The following OPCML variants were observed in gnomAD, a reference collection of about 807,000 sequenced individuals.
OPCML encodes opioid binding protein/cell adhesion molecule like.
A neutral mutation model predicts 37.8 loss-of-function variants in OPCML; 13 were observed. The ratio of observed to expected loss-of-function variants is 0.34; its 90% confidence interval spans 0.22 to 0.55. The LOEUF (loss-of-function observed/expected upper bound fraction) is 0.55, where lower values mean the gene tolerates loss of function less well. OPCML is among the 20% of genes least tolerant of loss of function. The probability of loss-of-function intolerance (pLI) is 0.91; values close to 1 mark genes in which losing one functional copy is unlikely to be tolerated. For missense variants in OPCML, 341 were observed against 435.6 expected (o/e 0.78, Z 1.93); for synonymous variants, 176 against 168.8 (o/e 1.04, Z -0.33).
chr11:133,508,806 GA>G (rs1189744017), intron 1 of OPCML, among the ~76,000 whole-genome samples: 1 of 151,312 alleles, frequency 6.6e-6, no homozygotes, highest in African/African-American at 2.4e-5. Flanking sequence ...GGAAAGCGCT[GA>G]AAACGACTCG....
intron 1 of OPCML, among the ~76,000 whole-genome samples, chr11:133,328,285 G>A (rs948714289): frequency 2.0e-5 from 3 of 151,592 alleles, no homozygotes; most frequent in African/African-American, 7.3e-5. Context: ...AGCCTCCCAA[G>A]TAGCTGGGAT....
At chr11:133,049,024 T>C (rs1948077652) in intron 1 of OPCML, among the ~76,000 whole-genome samples, 1 of 152,224 alleles carries the variant, frequency 6.6e-6, no homozygotes, top group Admixed American at 6.5e-5. Context: ...CAAAAATATT[T>C]ACCAAAAACC....
intron 1 of OPCML, among the ~76,000 whole-genome samples, chr11:132,995,671 G>A (rs1946870129): frequency 6.6e-6 from 1 of 152,150 alleles, no homozygotes; most frequent in South Asian, 2.1e-4. Context: ...TAGGGGTCAG[G>A]CAAGTTCTTG....
intron 4 of OPCML, among the ~76,000 whole-genome samples, chr11:132,439,697 C>A: frequency 2.3e-5 from 1 of 42,870 alleles, no homozygotes; most frequent in East Asian, 1.6e-3. Context: ...GACACCTCGC[C>A]ATTTTTTTTT....
At chr11:133,219,808 G>A (rs538854326) in intron 1 of OPCML, among the ~76,000 whole-genome samples, 1 of 152,132 alleles carries the variant, frequency 6.6e-6, no homozygotes, top group Non-Finnish European at 1.5e-5. Context: ...TGGGGAGGGG[G>A]GTGCTACAGA....
At chr11:133,410,905 A>G (rs1183683326) in intron 1 of OPCML, among the ~76,000 whole-genome samples, 1 of 152,188 alleles carries the variant, frequency 6.6e-6, no homozygotes, top group Non-Finnish European at 1.5e-5. Context: ...CTTAGAGACC[A>G]TGGGACCACC....
At chr11:133,023,161 G>T (rs1947485114) in intron 1 of OPCML, among the ~76,000 whole-genome samples, 1 of 152,220 alleles carries the variant, frequency 6.6e-6, no homozygotes, top group South Asian at 2.1e-4. Context: ...ATAAGCAGGT[G>T]CAGAGCCCTT....
intron 1 of OPCML, among the ~76,000 whole-genome samples, chr11:133,138,292 G>T (rs527951162): frequency 4.8e-4 from 73 of 152,252 alleles, no homozygotes; most frequent in African/African-American, 1.7e-3. Flanking sequence ...CTTTCCAGCC[G>T]CCAGAATTGT....
chr11:132,819,229 G>T (rs1195065928), intron 2 of OPCML, among the ~76,000 whole-genome samples: 1 of 151,804 alleles, frequency 6.6e-6, no homozygotes, highest in Non-Finnish European at 1.5e-5. Flanking sequence ...GTACTACAAG[G>T]TCACTAGAAG....
intron 1 of OPCML, among the ~76,000 whole-genome samples, chr11:133,480,137 C>T (rs1297817540): frequency 6.6e-6 from 1 of 152,230 alleles, no homozygotes; most frequent in Non-Finnish European, 1.5e-5. Flanking sequence ...TCCACCCCTT[C>T]CCTTCCCTTG....
rs58784534 is a variant in OPCML, at chr11:132,446,103, CTTTTTTTTT to C, written c.506-8753_506-8745del. Among the ~76,000 whole-genome samples the C allele has an allele frequency of 9.9e-4, 48 of 48,516 alleles. 1 individual carries two copies. The East Asian group carries it at 0.022, about 22-fold the overall frequency. 31.8% of individuals were successfully genotyped at this position (48,516 alleles called of 152,430 possible). The stretch of plus-strand genomic sequence containing the variant: ...GTGTTTAGCTTGGCTCTGCTTGTGT[CTTTTTTTTT>C]TTTTTTTTTTTTTTTTTTGAGATGG... On this transcript the variant is annotated intron_variant, in intron 4 of 7. Transcript: ENST00000524381.
chr11:133,294,967 G>A (rs1428863339), intron 1 of OPCML, among the ~76,000 whole-genome samples: 1 of 151,724 alleles, frequency 6.6e-6, no homozygotes. Context: ...GGGATTACAG[G>A]CACCTGCCAC....
chr11:132,678,585 C>T (rs148943633), intron 2 of OPCML, among the ~76,000 whole-genome samples: 178 of 152,254 alleles, frequency 1.2e-3, no homozygotes, highest in Middle Eastern at 3.4e-3. Context: ...CACAAAAAGA[C>T]ATGTTGGTAA....
intron 1 of OPCML, among the ~76,000 whole-genome samples, chr11:133,484,030 TTAGATAGA>T (rs71038531): frequency 0.32 from 43,183 of 134,570 alleles, 7,342 homozygotes; most frequent in South Asian, 0.38. Context: ...GATGGACAGA[TTAGATAGA>T]TAGATAGATA....
chr11:133,095,057 G>A (rs1019880576), intron 1 of OPCML, among the ~76,000 whole-genome samples: 4 of 151,738 alleles, frequency 2.6e-5, no homozygotes, highest in Non-Finnish European at 4.4e-5. Flanking sequence ...CAAGAGTGTC[G>A]AGAGATACTG....
intron 4 of OPCML, among the ~76,000 whole-genome samples, chr11:132,479,573 G>A (rs1308111487): frequency 6.6e-6 from 1 of 152,202 alleles, no homozygotes; most frequent in Admixed American, 6.5e-5. Flanking sequence ...CTGGGGGCAG[G>A]GCACAGACAA....
chr11:133,275,080 G>A (rs1266041919), intron 1 of OPCML, among the ~76,000 whole-genome samples: 1 of 152,200 alleles, frequency 6.6e-6, no homozygotes, highest in Non-Finnish European at 1.5e-5. Context: ...GCACCCTTCA[G>A]TTTCCTGGTG....
intron 1 of OPCML, among the ~76,000 whole-genome samples, chr11:133,489,984 A>G (rs1947620567): frequency 6.6e-6 from 1 of 152,236 alleles, no homozygotes; most frequent in African/African-American, 2.4e-5. Flanking sequence ...TGTCTTTTGC[A>G]GCAACATGCA....
intron 1 of OPCML, among the ~76,000 whole-genome samples, chr11:133,115,957 A>G (rs1012901445): frequency 3.4e-5 from 5 of 147,018 alleles, no homozygotes; most frequent in Admixed American, 2.8e-4. Flanking sequence ...CTTAAAAATA[A>G]GGACATTATT....
Sources: allele counts gnomAD v4.1 joint callset (sites outside exome capture counted in the v4.1 genomes callset), GRCh38; gene constraint gnomAD v4.1.1; transcripts MANE v1.5; gene names NCBI Gene and HGNC (gene_info 2026-07-23, HGNC 2026-07-21).